PDS5B: variants seen among roughly 807,000 people sequenced by gnomAD.
PDS5B encodes the protein sister chromatid cohesion protein PDS5 homolog B.
PDS5B carries 51 observed loss-of-function variants against 184.1 expected under a neutral mutation model. The observed-to-expected ratio is 0.28, with a 90% confidence interval of 0.22 to 0.35. PDS5B has a LOEUF of 0.35. Ranked by LOEUF, PDS5B falls within the 10% of genes least tolerant of loss-of-function variation. The pLI, the probability that PDS5B is intolerant of heterozygous loss-of-function variation, is 1.00. For missense variants in PDS5B, 1,180 were observed against 1,723.3 expected, an observed-to-expected ratio of 0.68 and a Z score of 5.58; for synonymous variants, 566 against 569.2, an observed-to-expected ratio of 0.99 and a Z score of 0.08.
chr13:32,679,884 A>AGTGTGTGT (rs34635708), intron 10 of PDS5B, among the ~76,000 whole-genome samples: 11 of 143,732 alleles, frequency 7.7e-5, no homozygotes, highest in East Asian at 4.1e-4. Context: ...TTCGTCTGTG[A>AGTGTGTGT]GTGTGTGTGT....
At chr13:32,588,957 C>T (rs1219484328) in intron 1 of PDS5B, among the ~76,000 whole-genome samples, 1 of 152,222 alleles carries the variant, frequency 6.6e-6, no homozygotes, top group Non-Finnish European at 1.5e-5. Context: ...TTTCGGGAAG[C>T]TGTATTCTTT....
At chr13:32,707,263 AG>A (rs1367010635) in intron 18 of PDS5B, among the ~76,000 whole-genome samples, 4 of 152,170 alleles carry the variant, frequency 2.6e-5, no homozygotes, top group Admixed American at 2.0e-4. Flanking sequence ...ATATTAAAAT[AG>A]TGGAGTATAA....
chr13:32,614,091 ATC>A (rs1210894485), intron 1 of PDS5B, among the ~76,000 whole-genome samples: 1 of 152,100 alleles, frequency 6.6e-6, no homozygotes, highest in African/African-American at 2.4e-5. Flanking sequence ...ATTGGTGTAT[ATC>A]TCATTGTGCC....
chr13:32,735,708 C>A (rs1418706619), intron 21 of PDS5B, among the ~76,000 whole-genome samples: 2 of 152,202 alleles, frequency 1.3e-5, no homozygotes, highest in East Asian at 1.9e-4. Context: ...TAAACTTGTT[C>A]TTTTCCCTAC....
At chr13:32,723,628 A>G (rs1952795577) in intron 19 of PDS5B, among the ~76,000 whole-genome samples, 1 of 152,210 alleles carries the variant, frequency 6.6e-6, no homozygotes, top group African/African-American at 2.4e-5. Flanking sequence ...AAGGTTTCAC[A>G]TAACTATCTT....
At chr13:32,725,133 T>G (rs952320427) in intron 19 of PDS5B, among the ~76,000 whole-genome samples, 5 of 152,220 alleles carry the variant, frequency 3.3e-5, no homozygotes, top group African/African-American at 1.2e-4. Context: ...TCTTATCGAT[T>G]CTTTGGTTTC....
intron 1 of PDS5B, among the ~76,000 whole-genome samples, chr13:32,611,394 C>T (rs1341442734): frequency 6.6e-6 from 1 of 152,024 alleles, no homozygotes; most frequent in Non-Finnish European, 1.5e-5. Context: ...GTAGTAGCCT[C>T]CTAACTGGTC....
At chr13:32,635,790 CAG>C (rs2058544842) in intron 1 of PDS5B, among the ~76,000 whole-genome samples, 3 of 131,554 alleles carry the variant, frequency 2.3e-5, no homozygotes, top group Non-Finnish European at 4.7e-5. Context: ...TTTTTTGAGG[CAG>C]AGTCTTGCTC....
At chr13:32,763,805 C>T (rs1206103215) in intron 30 of PDS5B, among the ~76,000 whole-genome samples, 2 of 152,060 alleles carry the variant, frequency 1.3e-5, no homozygotes, top group African/African-American at 4.8e-5. Flanking sequence ...GATCAGGTGC[C>T]TATTAGAATT....
chr13:32,734,681 A>G (rs1953258922), intron 20 of PDS5B, among the ~76,000 whole-genome samples: 2 of 152,162 alleles, frequency 1.3e-5, no homozygotes, highest in African/African-American at 2.4e-5. Flanking sequence ...TGGAGAAGAC[A>G]TATTGCTCAT....
intron 28 of PDS5B, 23 bp from the exon 29 acceptor site, chr13:32,759,605 A>T: frequency 1.5e-6 from 2 of 1,362,300 alleles, no homozygotes; most frequent in Non-Finnish European, 2.1e-6. Context: ...TTCACTGACT[A>T]CTTCTTTTTC....
At chr13:32,657,942 T>C (rs1950556223) in intron 3 of PDS5B, among the ~76,000 whole-genome samples, 1 of 152,194 alleles carries the variant, frequency 6.6e-6, no homozygotes, top group Non-Finnish European at 1.5e-5. Flanking sequence ...ATAGCATAAA[T>C]TTTAGCTATC....
chr13:32,709,817 C>T (rs1306182567), intron 18 of PDS5B, 129 bp from the exon 19 acceptor site: 2 of 435,292 alleles, frequency 4.6e-6, no homozygotes, highest in Non-Finnish European at 7.7e-6. Flanking sequence ...TTATAGTGCT[C>T]TCAGATTTTG....
intron 8 of PDS5B, among the ~76,000 whole-genome samples, chr13:32,674,513 A>G (rs1951017035): frequency 6.6e-6 from 1 of 152,102 alleles, no homozygotes; most frequent in Non-Finnish European, 1.5e-5. Flanking sequence ...GTTGGTTTAT[A>G]TGATTTTCTG....
At chr13:32,745,918 A>G in intron 23 of PDS5B, 59 bp from the exon 24 acceptor site, 1 of 1,376,056 alleles carries the variant, frequency 7.3e-7, no homozygotes, top group South Asian at 1.2e-5. Context: ...TTAGATGTAC[A>G]GAAGATTTTG....
At position 32,758,657 on chromosome 13, in the gene PDS5B, G is replaced by A. The variant is rs372287282; in HGVS notation, c.3309+4G>A. The A allele has an allele frequency of 2.5e-5, 40 of 1,613,092 alleles. No individual in the cohort carries two copies. In the African/African-American group the frequency reaches 4.8e-4, roughly 19 times the overall value. On this transcript the variant is annotated splice_donor_region_variant and intron_variant, in intron 28 of 34. Transcript: ENST00000315596. ...TTTCTTCACTCAACCTGACAAGGTA[G>A]TTACTTTACAATTTGTTTGTGTAAG...
chr13:32,677,712 G>A (rs573342816), intron 9 of PDS5B, among the ~76,000 whole-genome samples: 1 of 151,726 alleles, frequency 6.6e-6, no homozygotes, highest in African/African-American at 2.4e-5. Flanking sequence ...GTAATTTGGT[G>A]CTGGTTTTGA....
chr13:32,758,716 A>G (rs1321973516), intron 28 of PDS5B, 63 bp downstream of exon 28: 4 of 1,486,254 alleles, frequency 2.7e-6, no homozygotes, highest in Admixed American at 3.6e-5. Context: ...ACTGGATTGT[A>G]GGAAGATCAG....
Position 32,741,115 on chromosome 13 carries a change from A to G in PDS5B, c.2442A>G (p.Pro814=). ...PGKKTTKLWV[P]DEEVSPETMV... Reference sequence around the variant, plus strand: ...AAAAGACAACTAAACTTTGGGTTCCAGATGAAGAAGTATCTCCTGAGACAA... The same window carrying G: ...AAAAGACAACTAAACTTTGGGTTCCGGATGAAGAAGTATCTCCTGAGACAA... The change falls in exon 22 of 35, where the codon CCA becomes CCG. Residue 814 remains proline (P), a synonymous_variant. Coordinates refer to ENST00000315596, the MANE Select transcript of PDS5B (RefSeq NM_015032.4). 1 of 1,579,370 alleles carries G rather than the reference A, an allele frequency of 6.3e-7. No individual in the cohort carries two copies. Among genetic ancestry groups the G allele is most frequent in the Non-Finnish European group, 8.7e-7 (1 of 1,153,194 alleles).
Sources: allele counts gnomAD v4.1 joint callset (sites outside exome capture counted in the v4.1 genomes callset), GRCh38; gene constraint gnomAD v4.1.1; transcripts MANE v1.5; gene names NCBI Gene and HGNC (gene_info 2026-07-23, HGNC 2026-07-21).